The following RAB6A variants were observed in gnomAD, a reference collection of about 807,000 sequenced individuals.
RAB6A encodes ras-related protein Rab-6A.
Under a neutral mutation model 32.3 loss-of-function variants are expected in RAB6A, and 8 were observed. The observed-to-expected ratio is 0.25, with a 90% confidence interval of 0.15 to 0.45. The LOEUF (loss-of-function observed/expected upper bound fraction) is 0.45. RAB6A is among the 20% of genes least tolerant of loss of function. The pLI is 1.00. For synonymous variants in RAB6A, 73 were observed against 82.1 expected, an observed-to-expected ratio of 0.89 and a Z score of 0.60; for missense variants, 104 against 249.4, an observed-to-expected ratio of 0.42 and a Z score of 3.93.
intron 6 of RAB6A, among the ~76,000 whole-genome samples, chr11:73,699,662 G>A (rs1945710246): frequency 6.6e-6 from 1 of 152,138 alleles, no homozygotes; most frequent in Admixed American, 6.6e-5. Flanking sequence ...CAGTCTTCAT[G>A]AGAATGTGAC....
At chr11:73,734,442 T>C (rs929545134) in intron 1 of RAB6A, among the ~76,000 whole-genome samples, 1 of 151,776 alleles carries the variant, frequency 6.6e-6, no homozygotes, top group African/African-American at 2.4e-5. Flanking sequence ...TCCAGTTTAA[T>C]AGTGAGAAAA....
intron 6 of RAB6A, among the ~76,000 whole-genome samples, chr11:73,697,401 G>GCTCACTGCAACCTCCGC (rs1007841137): frequency 2.4e-4 from 37 of 151,956 alleles, no homozygotes; most frequent in Admixed American, 2.4e-3. Context: ...CATGGTCTCG[G>GCTCACTGCAACCTCCGC]CTCACTGCAA....
chr11:73,700,699 G>A (rs1322331596), intron 6 of RAB6A, among the ~76,000 whole-genome samples: 2 of 150,504 alleles, frequency 1.3e-5, no homozygotes, highest in Non-Finnish European at 2.9e-5. Flanking sequence ...ATACTGAATG[G>A]AATGAAACAC....
At chr11:73,714,881 G>C (rs1453200922) in intron 5 of RAB6A, among the ~76,000 whole-genome samples, 1 of 151,926 alleles carries the variant, frequency 6.6e-6, no homozygotes, top group Non-Finnish European at 1.5e-5. Context: ...CAGAAGAATC[G>C]CTTGAACCCA....
At chr11:73,752,976 G>A (rs1251220791) in intron 1 of RAB6A, among the ~76,000 whole-genome samples, 2 of 152,218 alleles carry the variant, frequency 1.3e-5, no homozygotes, top group African/African-American at 4.8e-5. Context: ...GTCCAAGCCA[G>A]GTGAGGTGGT....
At chr11:73,682,830 A>G (rs981445858) in intron 6 of RAB6A, among the ~76,000 whole-genome samples, 5 of 152,164 alleles carry the variant, frequency 3.3e-5, no homozygotes, top group African/African-American at 1.2e-4. Flanking sequence ...TACCCCGTTT[A>G]AACCAGCAAG....
At chr11:73,728,646 T>TAATAATAATAATAATAAA (rs1253118702) in intron 2 of RAB6A, among the ~76,000 whole-genome samples, 1 of 148,142 alleles carries the variant, frequency 6.8e-6, no homozygotes, top group African/African-American at 2.5e-5. Flanking sequence ...ATAATAATAA[T>TAATAATAATAATAATAAA]AAATGAAATA....
chr11:73,743,271 C>T (rs993796179), intron 1 of RAB6A, among the ~76,000 whole-genome samples: 4 of 147,008 alleles, frequency 2.7e-5, no homozygotes, highest in African/African-American at 1.0e-4. Flanking sequence ...CGCCACCGCA[C>T]TCCAGCCTGA....
chr11:73,734,802 C>T (rs1044403302), intron 1 of RAB6A, among the ~76,000 whole-genome samples: 1 of 152,100 alleles, frequency 6.6e-6, no homozygotes, highest in African/African-American at 2.4e-5. Flanking sequence ...AGAAAAAAAA[C>T]TAAAGGAGAG....
In RAB6A at chr11:73,685,587, T is replaced by TAAAA. The variant is rs1945435736; in HGVS notation, c.496-5868_496-5867insTTTT. ...CAAGTGTGAGCCACCACGCCCGGACTGAAAGTAGCGACCAGGTGCGGTGCC... is the reference window on the plus strand; with the variant it reads ...CAAGTGTGAGCCACCACGCCCGGACTAAAAGAAAGTAGCGACCAGGTGCGGTGCC... On this transcript the variant is annotated intron_variant, in intron 6 of 7. Transcript: ENST00000336083. Among the ~76,000 whole-genome samples the TAAAA allele has an allele frequency of 2.9e-5, 4 of 138,118 alleles. 1 individual carries two copies. Among genetic ancestry groups the TAAAA allele is most frequent in the African/African-American group, 1.1e-4 (4 of 37,398 alleles). 90.6% of individuals were successfully genotyped at this position (138,118 alleles called of 152,430 possible).
chr11:73,731,233 A>T (rs1946296385), intron 1 of RAB6A, among the ~76,000 whole-genome samples: 1 of 152,102 alleles, frequency 6.6e-6, no homozygotes, highest in African/African-American at 2.4e-5. Context: ...GGGCTACAAG[A>T]ACTACACTGT....
At chr11:73,747,973 T>G (rs1397243905) in intron 1 of RAB6A, among the ~76,000 whole-genome samples, 1 of 152,194 alleles carries the variant, frequency 6.6e-6, no homozygotes, top group Non-Finnish European at 1.5e-5. Context: ...CAGTGTTTCT[T>G]CACCCTGAAG....
At chr11:73,731,411 T>C (rs1284935507) in intron 1 of RAB6A, among the ~76,000 whole-genome samples, 1 of 150,712 alleles carries the variant, frequency 6.6e-6, no homozygotes, top group Admixed American at 6.6e-5. Context: ...GGCAGGGTGG[T>C]TGCACGCCTG....
intron 1 of RAB6A, among the ~76,000 whole-genome samples, chr11:73,758,529 G>A (rs1446253516): frequency 6.6e-6 from 1 of 152,078 alleles, no homozygotes; most frequent in Non-Finnish European, 1.5e-5. Flanking sequence ...TTCAGTAATG[G>A]AGGGGGGAGG....
At chr11:73,736,791 C>T (rs780621053) in intron 1 of RAB6A, among the ~76,000 whole-genome samples, 5 of 104,736 alleles carry the variant, frequency 4.8e-5, no homozygotes, top group East Asian at 2.9e-4. Context: ...GACTTCATCT[C>T]GAGAAAGAAA....
chr11:73,731,979 T>C (rs1946322695), intron 1 of RAB6A, among the ~76,000 whole-genome samples: 1 of 151,216 alleles, frequency 6.6e-6, no homozygotes, highest in South Asian at 2.1e-4. Context: ...GACCCTGTGA[T>C]TCGCCCGCCT....
Position 73,744,337 on chromosome 11 carries a change from CA to C in RAB6A, c.71-13515del, listed in dbSNP as rs35787214. Among the ~76,000 whole-genome samples the C allele has an allele frequency of 1.8e-3, 192 of 108,118 alleles. 2 individuals carry two copies. Among genetic ancestry groups the C allele is most frequent in the African/African-American group, 5.7e-3 (154 of 26,860 alleles). 70.9% of individuals were successfully genotyped at this position (108,118 alleles called of 152,430 possible). On this transcript the variant is annotated intron_variant, in intron 1 of 7. Transcript: ENST00000336083. ...TGGGTGACAAAGGGAGACTCCATCT[CA>C]AAAAAAAAAAAAAAAAATTTAAATT...
intron 5 of RAB6A, among the ~76,000 whole-genome samples, chr11:73,713,375 C>A (rs759374846): frequency 7.2e-5 from 11 of 152,152 alleles, no homozygotes; most frequent in Non-Finnish European, 1.6e-4. Flanking sequence ...TCAAGACCAT[C>A]CTGGCTAACA....
intron 1 of RAB6A, among the ~76,000 whole-genome samples, chr11:73,756,552 T>C (rs1487792359): frequency 6.6e-6 from 1 of 152,200 alleles, no homozygotes; most frequent in African/African-American, 2.4e-5. Flanking sequence ...GTATATATAG[T>C]GAAATCTTCT....
Sources: gnomAD v4.1 joint callset for allele counts (sites outside exome capture counted in the v4.1 genomes callset) on GRCh38, gnomAD v4.1.1 for gene constraint, MANE v1.5 for transcripts, NCBI Gene and HGNC (gene_info 2026-07-23, HGNC 2026-07-21) for gene names.